The following AK5 variants were observed in gnomAD, a reference collection of about 807,000 sequenced individuals.
AK5 encodes adenylate kinase isoenzyme 5.
In AK5, 27 loss-of-function variants were observed where a neutral mutation model predicts 69.5. The ratio of observed to expected loss-of-function variants is 0.39; its 90% CI spans 0.29 to 0.54. The LOEUF is 0.54. Ranked by LOEUF, AK5 falls within the 20% of genes least tolerant of loss-of-function variation. The probability of loss-of-function intolerance (pLI) is 0.71; values close to 1 mark genes in which losing one functional copy is unlikely to be tolerated. For synonymous variants in AK5, 260 were observed against 244.4 expected (o/e 1.06, Z -0.60); for missense variants, 531 against 700.4 (o/e 0.76, Z 2.73).
At chr1:77,518,459 C>T (rs1220510145) in intron 10 of AK5, 105 bp from the exon 11 acceptor site, 1 of 1,206,280 alleles carries the variant, frequency 8.3e-7, no homozygotes, top group African/African-American at 1.5e-5. Flanking sequence ...GTTCCCAATA[C>T]ATGCTTAGTG....
At chr1:77,372,772 C>T (rs61783079) in intron 6 of AK5, among the ~76,000 whole-genome samples, 19,620 of 149,488 alleles carry the variant, frequency 0.13, 1,557 homozygotes, top group Middle Eastern at 0.22. Flanking sequence ...TGTGTGTGTG[C>T]GTGTGTGTGT....
chr1:77,454,383 T>TTC (rs910938742), intron 8 of AK5, among the ~76,000 whole-genome samples: 3 of 151,724 alleles, frequency 2.0e-5, no homozygotes, highest in Middle Eastern at 3.4e-3. Context: ...AGCCTAGCCA[T>TTC]TCTCTCTCTC....
chr1:77,303,793 G>C (rs1670612), intron 5 of AK5, among the ~76,000 whole-genome samples: 134,750 of 152,282 alleles, frequency 0.88, 59,978 homozygotes, highest in Middle Eastern at 0.97. Context: ...GCCATGGCCA[G>C]GTTCCAGCTG....
intron 8 of AK5, among the ~76,000 whole-genome samples, chr1:77,431,684 A>T (rs1651648305): frequency 6.6e-5 from 10 of 152,190 alleles, no homozygotes; most frequent in Admixed American, 6.5e-4. Context: ...TGATCCTAGC[A>T]AATTGTGTCA....
chr1:77,536,698 C>G (rs1488568606), intron 13 of AK5, among the ~76,000 whole-genome samples: 1 of 152,168 alleles, frequency 6.6e-6, no homozygotes, highest in East Asian at 1.9e-4. Flanking sequence ...GCCACTGACT[C>G]TGGACTGTGA....
chr1:77,282,524 A>G (rs1658119126), intron 1 of AK5, 151 bp downstream of exon 1: 1 of 1,374,510 alleles, frequency 7.3e-7, no homozygotes, highest in Middle Eastern at 2.4e-4. Context: ...CCCCGAGGGT[A>G]GTCGCCTTTC....
intron 8 of AK5, among the ~76,000 whole-genome samples, chr1:77,438,721 A>G (rs1446993183): frequency 6.6e-6 from 1 of 152,202 alleles, no homozygotes; most frequent in Non-Finnish European, 1.5e-5. Flanking sequence ...CTAATCAACC[A>G]AAATATCAAA....
intron 10 of AK5, among the ~76,000 whole-genome samples, chr1:77,499,707 G>T (rs1345003246): frequency 1.3e-5 from 2 of 151,980 alleles, no homozygotes; most frequent in East Asian, 1.9e-4. Context: ...GGAAGAGAAT[G>T]TTCAGCAGTG....
chr1:77,519,674 G>T (rs1220854027), intron 11 of AK5, among the ~76,000 whole-genome samples: 1 of 152,206 alleles, frequency 6.6e-6, no homozygotes, highest in Admixed American at 6.6e-5. Flanking sequence ...ACAAGGGATG[G>T]ATTATTCATG....
intron 8 of AK5, among the ~76,000 whole-genome samples, chr1:77,477,597 G>C (rs1357483005): frequency 6.6e-6 from 1 of 152,110 alleles, no homozygotes; most frequent in East Asian, 1.9e-4. Flanking sequence ...AATTAGAAAA[G>C]ACTGCTCCTT....
intron 6 of AK5, among the ~76,000 whole-genome samples, chr1:77,394,083 C>T (rs186785789): frequency 2.2e-4 from 34 of 151,896 alleles, no homozygotes; most frequent in Non-Finnish European, 2.8e-4. Context: ...GCTGTGGTGA[C>T]GTGTACCTGT....
At chr1:77,337,959 C>CTTTTTCT (rs1557507757) in intron 5 of AK5, among the ~76,000 whole-genome samples, 1 of 112,040 alleles carries the variant, frequency 8.9e-6, no homozygotes. Context: ...ACAATGTTTT[C>CTTTTTCT]TTTTTATTTT....
chr1:77,516,228 C>A (rs1190514895), intron 10 of AK5, among the ~76,000 whole-genome samples: 1 of 152,154 alleles, frequency 6.6e-6, no homozygotes, highest in African/African-American at 2.4e-5. Context: ...AAGACAAATA[C>A]TGCATGATCT....
At chr1:77,499,170 A>G (rs11806197) in intron 10 of AK5, among the ~76,000 whole-genome samples, 26,189 of 152,194 alleles carry the variant, frequency 0.17, 2,533 homozygotes, top group Non-Finnish European at 0.18. Context: ...TAACACTCAC[A>G]AAGTATTTCC....
intron 6 of AK5, among the ~76,000 whole-genome samples, chr1:77,366,044 C>G (rs1268898827): frequency 6.6e-6 from 1 of 151,830 alleles, no homozygotes. Flanking sequence ...TCCCCGAAAA[C>G]CTATTGAAAT....
intron 13 of AK5, among the ~76,000 whole-genome samples, chr1:77,549,930 C>T (rs1659738276): frequency 6.6e-6 from 1 of 151,828 alleles, no homozygotes; most frequent in Non-Finnish European, 1.5e-5. Flanking sequence ...GCTCAAGTGA[C>T]CCTCCCACCT....
Position 77,461,189 on chromosome 1 carries a change from G to A in AK5, c.1060-22128G>A, listed in dbSNP as rs113972937. Reference sequence around the variant, plus strand: ...GCTGAGACTACAGGTGCCCACCACCGCGCCTGGCTAATTTTTTGTATTTTT... The same window carrying A: ...GCTGAGACTACAGGTGCCCACCACCACGCCTGGCTAATTTTTTGTATTTTT... On this transcript the variant is annotated intron_variant, in intron 8 of 13. Coordinates refer to ENST00000354567, the MANE Select transcript of AK5 (RefSeq NM_174858.3). 3.5e-3 allele frequency among the ~76,000 whole-genome samples: 527 copies of A among 151,432 alleles called. 4 individuals carry two copies. Among genetic ancestry groups the A allele is most frequent in the African/African-American group, 0.012 (500 of 41,324 alleles).
intron 6 of AK5, among the ~76,000 whole-genome samples, chr1:77,389,986 A>T (rs932985842): frequency 3.9e-5 from 6 of 152,148 alleles, no homozygotes; most frequent in Non-Finnish European, 1.5e-5. Flanking sequence ...AATCTTTTTT[A>T]AAAAAAGAGT....
At chr1:77,305,999 G>A (rs1408077164) in intron 5 of AK5, among the ~76,000 whole-genome samples, 1 of 151,750 alleles carries the variant, frequency 6.6e-6, no homozygotes, top group Non-Finnish European at 1.5e-5. Context: ...TCATTTTTTG[G>A]TGTCTTCAGT....
Sources: allele counts gnomAD v4.1 joint callset (sites outside exome capture counted in the v4.1 genomes callset), GRCh38; gene constraint gnomAD v4.1.1; transcripts MANE v1.5; gene names NCBI Gene and HGNC (gene_info 2026-07-23, HGNC 2026-07-21).